The following TTLL9 variants were observed in gnomAD, a reference collection of about 807,000 sequenced individuals.
The protein encoded by TTLL9 is tubulin tyrosine ligase like 9.
In TTLL9, 47 loss-of-function variants were observed where a neutral mutation model predicts 65.6. The ratio of observed to expected loss-of-function variants is 0.72; its 90% CI spans 0.57 to 0.91. The LOEUF is 0.91. TTLL9 is among the 40% of genes least tolerant of loss of function. The pLI is 0.00. For synonymous variants in TTLL9, 179 were observed against 204.8 expected, an observed-to-expected ratio of 0.87 and a Z score of 1.07; for missense variants, 537 against 568.8, an observed-to-expected ratio of 0.94 and a Z score of 0.57.
intron 3 of TTLL9, among the ~76,000 whole-genome samples, chr20:31,890,627 G>A (rs527497336): frequency 6.6e-6 from 1 of 152,320 alleles, no homozygotes; most frequent in African/African-American, 2.4e-5. Context: ...CAGCTAAGGA[G>A]AGAAACCAGT....
At chr20:31,887,148 G>A (rs756176598) in intron 2 of TTLL9, 48 bp from the exon 3 acceptor site, 2 of 1,591,248 alleles carry the variant, frequency 1.3e-6, no homozygotes, top group Admixed American at 3.3e-5. Context: ...TGGGAAAACA[G>A]GGCAGATATA....
intron 3 of TTLL9, among the ~76,000 whole-genome samples, chr20:31,892,668 G>A (rs144228361): frequency 1.1e-3 from 173 of 152,330 alleles, no homozygotes; most frequent in African/African-American, 4.0e-3. Flanking sequence ...CACAAAGATA[G>A]TATTTGGAAA....
chr20:31,934,618 T>C (rs932937370), intron 11 of TTLL9, 74 bp from the exon 12 acceptor site: 17 of 1,344,274 alleles, frequency 1.3e-5, no homozygotes, highest in Admixed American at 4.6e-5. Context: ...CTGAGAGCAA[T>C]TGTGTAAGGG....
intron 3 of TTLL9, among the ~76,000 whole-genome samples, chr20:31,896,544 T>C (rs186740416): frequency 6.6e-6 from 1 of 152,276 alleles, no homozygotes; most frequent in East Asian, 1.9e-4. Flanking sequence ...TGTTTTGGTT[T>C]TTTTTGAGAC....
rs1177961592 is a variant in TTLL9 at position 31,908,599 on chromosome 20, A to G, written c.215A>G (p.Glu72Gly). The G allele has an allele frequency of 1.8e-5, 23 of 1,265,708 alleles. No individual in the cohort carries two copies. The highest frequency in any genetic ancestry group is 6.0e-5 in the African/African-American group (4 of 67,212). 78.4% of individuals were successfully genotyped at this position (1,265,708 alleles called of 1,614,324 possible). A position where few individuals can be genotyped will look rare whatever the true frequency, so the allele number is the denominator to read the frequency against. The change falls in exon 5 of 15, where the codon GAG becomes GGG. Residue 72 changes from glutamate (E) to glycine (G), a missense_variant. Coordinates refer to ENST00000535842, the MANE Select transcript of TTLL9 (RefSeq NM_001008409.5). The part of the protein sequence containing the change: ...PGWVEVKDEG[E>G]WDFYWCDVSW... Reference sequence around the variant, plus strand: ...CCCCACCCCACCCCCAGCGAAGGGGAGTGGGATTTCTACTGGTGTGACGTC... The same window carrying G: ...CCCCACCCCACCCCCAGCGAAGGGGGGTGGGATTTCTACTGGTGTGACGTC...
At chr20:31,938,020 C>G in intron 13 of TTLL9, 2 of 346,032 alleles carry the variant, frequency 5.8e-6, no homozygotes, top group Admixed American at 3.2e-5. Flanking sequence ...CTGGTCTATT[C>G]TCTCTCTCTC....
intron 5 of TTLL9, 98 bp from the exon 6 acceptor site, chr20:31,909,639 G>A: frequency 8.9e-7 from 1 of 1,129,066 alleles, no homozygotes; most frequent in Non-Finnish European, 1.3e-6. Flanking sequence ...GTGGGCCAGA[G>A]CATGGAGGCT....
chr20:31,906,373 C>T (rs1324839805), intron 4 of TTLL9, among the ~76,000 whole-genome samples: 1 of 152,154 alleles, frequency 6.6e-6, no homozygotes, highest in Non-Finnish European at 1.5e-5. Context: ...GGCAGACAGC[C>T]GAAGAAGGTT....
intron 8 of TTLL9, 71 bp downstream of exon 8, chr20:31,923,124 C>G: frequency 8.0e-7 from 1 of 1,248,882 alleles, no homozygotes; most frequent in Non-Finnish European, 1.2e-6. Context: ...AAGCTTTGAC[C>G]AGCAGCCTGC....
chr20:31,924,873 A>T (rs189251238), intron 8 of TTLL9, 136 bp from the exon 9 acceptor site: 1 of 950,356 alleles, frequency 1.1e-6, no homozygotes. Context: ...CACCGCGCCT[A>T]GCCCCTTGTG....
chr20:31,901,811 G>A (rs1315500020), intron 4 of TTLL9, among the ~76,000 whole-genome samples: 1 of 152,102 alleles, frequency 6.6e-6, no homozygotes, highest in Non-Finnish European at 1.5e-5. Context: ...CAACTACCCC[G>A]CCTCATGGCC....
At chr20:31,873,429 G>A (rs572801891) in intron 2 of TTLL9, among the ~76,000 whole-genome samples, 7 of 152,106 alleles carry the variant, frequency 4.6e-5, no homozygotes, top group Non-Finnish European at 5.9e-5. Context: ...CGGGAACATC[G>A]CTTGAGCCCA....
chr20:31,872,928 A>G (rs1327544259), intron 2 of TTLL9: 1 of 487,232 alleles, frequency 2.1e-6, no homozygotes, highest in Non-Finnish European at 4.1e-6. Flanking sequence ...TCTGTCGGAT[A>G]AAAATCCAAC....
intron 6 of TTLL9, among the ~76,000 whole-genome samples, chr20:31,916,565 CA>C (rs2063736430): frequency 6.6e-6 from 1 of 152,160 alleles, no homozygotes; most frequent in Non-Finnish European, 1.5e-5. Context: ...TCTCACAGAA[CA>C]AGAAGGCTGA....
At chr20:31,881,697 T>C (rs906397999) in intron 2 of TTLL9, among the ~76,000 whole-genome samples, 1 of 150,974 alleles carries the variant, frequency 6.6e-6, no homozygotes, top group Non-Finnish European at 1.5e-5. Context: ...CTTCAACCTC[T>C]TGGGCTCTAG....
chr20:31,916,608 A>G (rs1183538852), intron 6 of TTLL9, among the ~76,000 whole-genome samples: 4 of 152,216 alleles, frequency 2.6e-5, no homozygotes, highest in Non-Finnish European at 5.9e-5. Flanking sequence ...GGGATGTGCT[A>G]GATGATGCCA....
intron 3 of TTLL9, among the ~76,000 whole-genome samples, chr20:31,889,970 C>CTT (rs879425253): frequency 0.027 from 3,619 of 133,456 alleles, 63 homozygotes; most frequent in Middle Eastern, 0.091. Context: ...AGCCACATCT[C>CTT]TCTCTTTCTT....
At chr20:31,887,009 A>C (rs1417485826) in intron 2 of TTLL9, among the ~76,000 whole-genome samples, 187 bp from the exon 3 acceptor site, 1 of 152,146 alleles carries the variant, frequency 6.6e-6, no homozygotes, top group East Asian at 1.9e-4. Context: ...ACAGCAGATA[A>C]ATTCTGGTCC....
At chr20:31,929,004 C>T (rs2063958612) in intron 10 of TTLL9, among the ~76,000 whole-genome samples, 1 of 152,154 alleles carries the variant, frequency 6.6e-6, no homozygotes, top group Admixed American at 6.5e-5. Flanking sequence ...GCCTCCTGTG[C>T]AGCTGAGACC....
Sources: gnomAD v4.1 joint callset for allele counts (sites outside exome capture counted in the v4.1 genomes callset) on GRCh38, gnomAD v4.1.1 for gene constraint, MANE v1.5 for transcripts, NCBI Gene and HGNC (gene_info 2026-07-23, HGNC 2026-07-21) for gene names.